The following SCMH1 variants were observed in gnomAD, a reference collection of about 807,000 sequenced individuals.
SCMH1 encodes Scm polycomb group protein homolog 1, also known as polycomb protein SCMH1.
In SCMH1, 37 loss-of-function variants were observed where a neutral mutation model predicts 70.8. That is an observed-to-expected ratio of 0.52 (90% confidence interval 0.40 to 0.69). The LOEUF is 0.69. Ranked by LOEUF, SCMH1 falls within the 30% of genes least tolerant of loss-of-function variation. SCMH1 has a pLI of 0.00. For missense variants in SCMH1, 607 were observed against 827.3 expected, an observed-to-expected ratio of 0.73 and a Z score of 3.27; for synonymous variants, 292 against 307.4, an observed-to-expected ratio of 0.95 and a Z score of 0.52.
intron 7 of SCMH1, among the ~76,000 whole-genome samples, chr1:41,115,280 T>C (rs766307460): frequency 6.6e-5 from 10 of 152,218 alleles, no homozygotes; most frequent in Non-Finnish European, 1.2e-4. Context: ...TATTCCCTAG[T>C]GATTTGTGGA....
chr1:41,105,657 C>T (rs564926222), intron 8 of SCMH1, among the ~76,000 whole-genome samples: 1 of 152,234 alleles, frequency 6.6e-6, no homozygotes, highest in African/African-American at 2.4e-5. Context: ...TAAGAACTTG[C>T]ATTTTGTCTT....
At chr1:41,106,685 T>A (rs1342444027) in intron 8 of SCMH1, among the ~76,000 whole-genome samples, 2 of 151,858 alleles carry the variant, frequency 1.3e-5, no homozygotes, top group African/African-American at 4.9e-5. Flanking sequence ...CTAGCCATTT[T>A]CTTTTTTCCT....
chr1:41,207,871 T>C (rs1198585122), intron 1 of SCMH1, among the ~76,000 whole-genome samples: 2 of 150,870 alleles, frequency 1.3e-5, no homozygotes, highest in Non-Finnish European at 3.0e-5. Context: ...AGTGTGGCGA[T>C]TCCTCAGGGA....
chr1:41,034,303 C>CT (rs1644978213), intron 13 of SCMH1, among the ~76,000 whole-genome samples: 1 of 149,934 alleles, frequency 6.7e-6, no homozygotes, highest in Non-Finnish European at 1.5e-5. Context: ...AAGCTCTCTC[C>CT]GCTGAGGTGA....
chr1:41,075,326 G>A (rs1355854007), exon 9 of SCMH1: 2 of 1,614,152 alleles, frequency 1.2e-6, no homozygotes, highest in East Asian at 2.2e-5. Flanking sequence ...GTCCGGCCCC[G>A]CTTCTTTCCT....
chr1:41,129,607 C>T (rs1475860220), intron 6 of SCMH1, among the ~76,000 whole-genome samples: 3 of 152,098 alleles, frequency 2.0e-5, no homozygotes, highest in Non-Finnish European at 4.4e-5. Context: ...TCTGTGTGTG[C>T]GTATGTGTGA....
chr1:41,191,126 T>G (rs1221025099), intron 1 of SCMH1, among the ~76,000 whole-genome samples: 1 of 152,184 alleles, frequency 6.6e-6, no homozygotes, highest in Non-Finnish European at 1.5e-5. Context: ...CCTCCTGTCT[T>G]GGCCTCCCAA....
Position 41,181,040 on chromosome 1 carries a change from G to A in SCMH1, c.13+5081C>T, listed in dbSNP as rs1181935728. 6.6e-5 allele frequency among the ~76,000 whole-genome samples: 10 copies of A among 152,176 alleles called. 1 individual carries two copies. The South Asian group carries it at 1.2e-3, about 19-fold the overall frequency. On this transcript the variant is annotated intron_variant, in intron 2 of 14. Transcript: ENST00000337495. ...ACAGAATAGAGCCCTCAGAAATAACGCCGCATATCTACAACCATCTGATCT... is the reference window on the plus strand; with the variant it reads ...ACAGAATAGAGCCCTCAGAAATAACACCGCATATCTACAACCATCTGATCT...
chr1:41,094,888 C>CA (rs765555747), intron 8 of SCMH1, among the ~76,000 whole-genome samples: 1,792 of 120,840 alleles, frequency 0.015, 23 homozygotes, highest in African/African-American at 0.04. Flanking sequence ...GACTCTGCCT[C>CA]AAAAAAAAAA....
intron 2 of SCMH1, among the ~76,000 whole-genome samples, chr1:41,166,005 C>A (rs1485095829): frequency 1.3e-5 from 2 of 152,054 alleles, no homozygotes; most frequent in African/African-American, 4.8e-5. Flanking sequence ...AGTCTTTATT[C>A]CATTTTGAGT....
At chr1:41,232,160 T>G (rs1038934406) in intron 1 of SCMH1, among the ~76,000 whole-genome samples, 37 of 152,228 alleles carry the variant, frequency 2.4e-4, no homozygotes, top group African/African-American at 8.7e-4. Flanking sequence ...ACCTAAATAG[T>G]AAAACCCACT....
intron 10 of SCMH1, among the ~76,000 whole-genome samples, chr1:41,064,998 T>C (rs1654081719): frequency 6.6e-6 from 1 of 152,138 alleles, no homozygotes; most frequent in South Asian, 2.1e-4. Flanking sequence ...TTAAACAAAA[T>C]ATATATAACA....
intron 1 of SCMH1, among the ~76,000 whole-genome samples, chr1:41,230,659 TA>T (rs61454170): frequency 0.04 from 5,429 of 135,442 alleles, 280 homozygotes; most frequent in African/African-American, 0.13. Flanking sequence ...CCCTATGTCT[TA>T]AAAAAAAAAA....
rs545575906 is a variant in SCMH1 at position 41,117,813 on chromosome 1, A to G, written c.413-803T>C. ...CCAGGCAGGGAAGGGCCCCCTGTCC[A>G]GTGGACACGTGACCCACGTGACCTT... On this transcript the variant is annotated intron_variant, in intron 6 of 14. Coordinates refer to ENST00000337495, the Ensembl canonical transcript of SCMH1. Among the ~76,000 whole-genome samples the G allele has an allele frequency of 3.9e-5, 6 of 152,184 alleles. No individual in the cohort carries two copies. In the South Asian group the frequency reaches 1.2e-3, roughly 32 times the overall value.
At chr1:41,136,518 C>A (rs929713550) in intron 6 of SCMH1, among the ~76,000 whole-genome samples, 1 of 151,778 alleles carries the variant, frequency 6.6e-6, no homozygotes, top group Non-Finnish European at 1.5e-5. Context: ...GGACTACAGG[C>A]ATGCACCACC....
intron 13 of SCMH1, among the ~76,000 whole-genome samples, chr1:41,037,068 C>G (rs2148575188): frequency 6.6e-6 from 1 of 152,278 alleles, no homozygotes; most frequent in South Asian, 2.1e-4. Context: ...CTTCCCCATG[C>G]CAAACACAAA....
intron 7 of SCMH1, among the ~76,000 whole-genome samples, chr1:41,115,390 T>A (rs1359648996): frequency 6.6e-6 from 1 of 152,224 alleles, no homozygotes; most frequent in Admixed American, 6.5e-5. Context: ...TTTATCTTCC[T>A]GGTGAACTGT....
intron 1 of SCMH1, among the ~76,000 whole-genome samples, chr1:41,241,738 C>T (rs978856195): frequency 6.6e-6 from 1 of 151,868 alleles, no homozygotes; most frequent in Non-Finnish European, 1.5e-5. Context: ...CTCCAAAGGG[C>T]CCCCGGCCTT....
chr1:41,030,291 C>A (rs1571119311), intron 13 of SCMH1, among the ~76,000 whole-genome samples: 1 of 152,184 alleles, frequency 6.6e-6, no homozygotes, highest in Non-Finnish European at 1.5e-5. Context: ...GCAGTGGCCT[C>A]CCTTTGCATA....
Sources: gnomAD v4.1 joint callset for allele counts (sites outside exome capture counted in the v4.1 genomes callset) on GRCh38, gnomAD v4.1.1 for gene constraint, MANE v1.5 for transcripts, NCBI Gene and HGNC (gene_info 2026-07-23, HGNC 2026-07-21) for gene names.